TTC28: variants seen among roughly 807,000 people sequenced by gnomAD.
TTC28 encodes the protein tetratricopeptide repeat domain 28, also known as tetratricopeptide repeat protein 28.
TTC28 carries 61 observed loss-of-function variants against 198.0 expected under a neutral mutation model. The ratio of observed to expected loss-of-function variants is 0.31; its 90% CI spans 0.25 to 0.38. The LOEUF (loss-of-function observed/expected upper bound fraction) is 0.38. TTC28 is among the 10% of genes least tolerant of loss of function. The pLI is 1.00. For missense variants in TTC28, 2,678 were observed against 3,164.0 expected, an observed-to-expected ratio of 0.85 and a Z score of 3.69; for synonymous variants, 1,171 against 1,297.8, an observed-to-expected ratio of 0.90 and a Z score of 2.10.
rs1921384505 is a variant in TTC28 at position 28,162,911 on chromosome 22, T to G, written c.1441+181A>C. 1.3e-5 allele frequency among the ~76,000 whole-genome samples: 2 copies of G among 152,136 alleles called. 1 individual carries two copies. Among genetic ancestry groups the G allele is most frequent in the South Asian group, 4.1e-4 (2 of 4,820 alleles). ...GCCACACCATCCTTGGCCTGTGTACTCCATCCTCAGTGACAGATGAAGACC... is the reference window on the plus strand; with the variant it reads ...GCCACACCATCCTTGGCCTGTGTACGCCATCCTCAGTGACAGATGAAGACC... On this transcript the variant is annotated intron_variant, in intron 6 of 22. Coordinates refer to ENST00000397906, the MANE Select transcript of TTC28 (RefSeq NM_001145418.2).
intron 12 of TTC28, among the ~76,000 whole-genome samples, chr22:28,087,852 T>C (rs1157231472): frequency 3.9e-5 from 6 of 152,212 alleles, no homozygotes; most frequent in Non-Finnish European, 8.8e-5. Context: ...ATCACAAGCA[T>C]TCTTATACAC....
chr22:28,425,383 T>A (rs1379444410), intron 2 of TTC28, among the ~76,000 whole-genome samples: 1 of 152,182 alleles, frequency 6.6e-6, no homozygotes, highest in Non-Finnish European at 1.5e-5. Context: ...CTTTTACAAG[T>A]CAGGCACTAT....
chr22:28,123,056 C>T (rs956339895), intron 6 of TTC28, among the ~76,000 whole-genome samples: 2 of 152,188 alleles, frequency 1.3e-5, no homozygotes, highest in African/African-American at 2.4e-5. Context: ...GGGCAGCCAA[C>T]GGGAAGAGCA....
intron 2 of TTC28, among the ~76,000 whole-genome samples, chr22:28,383,806 A>G (rs2046532527): frequency 6.6e-6 from 1 of 152,148 alleles, no homozygotes. Context: ...TGGTGTCCTC[A>G]CAGCCTATTT....
intron 2 of TTC28, among the ~76,000 whole-genome samples, chr22:28,499,011 G>A (rs2048498032): frequency 6.6e-6 from 1 of 151,830 alleles, no homozygotes; most frequent in Non-Finnish European, 1.5e-5. Context: ...CCCCATCTCT[G>A]CAAAAAAAAT....
intron 14 of TTC28, among the ~76,000 whole-genome samples, chr22:28,004,338 G>A (rs558716070): frequency 2.0e-5 from 3 of 152,334 alleles, no homozygotes; most frequent in Non-Finnish European, 2.9e-5. Flanking sequence ...GCCTGCCTGC[G>A]GGAGAGGGGG....
At chr22:28,062,827 T>C (rs959167920) in intron 12 of TTC28, among the ~76,000 whole-genome samples, 27 of 152,320 alleles carry the variant, frequency 1.8e-4, no homozygotes, top group Non-Finnish European at 3.1e-4. Context: ...ATTGTGAGCA[T>C]AGTTCATTGA....
At chr22:28,227,876 A>G (rs1928475003) in intron 5 of TTC28, among the ~76,000 whole-genome samples, 1 of 152,206 alleles carries the variant, frequency 6.6e-6, no homozygotes, top group Non-Finnish European at 1.5e-5. Context: ...GTATATACCC[A>G]AAAGAATTGA....
chr22:28,163,283 T>C lies in TTC28; in HGVS notation c.1250A>G (p.His417Arg). ...RRNFDKAMSY[H>R]NYVLELAQEL... ...CTGTGCCAGCTCCAGGACATAGTTA[T>C]GGTAAGACATGGCCTTGTCAAAGTT... is the stretch of plus-strand genomic sequence containing the variant. Residue 417 changes from histidine to arginine, a missense_variant, in exon 6 of 23, where the codon CAT becomes CGT. By Grantham distance (29) the His-to-Arg change is conservative (BLOSUM62 0). Around this residue, in one of 8 missense-constraint regions of TTC28, gnomAD observed 775 missense variants for 845.9 expected, o/e 0.92. Coordinates refer to ENST00000397906, the MANE Select transcript of TTC28 (RefSeq NM_001145418.2). The C allele has an allele frequency of 1.9e-6, 3 of 1,551,944 alleles. No individual in the cohort carries two copies. The highest frequency in any genetic ancestry group is 2.6e-6 in the Non-Finnish European group (3 of 1,147,044).
chr22:28,541,783 C>G (rs1259664521), intron 2 of TTC28, among the ~76,000 whole-genome samples: 1 of 151,860 alleles, frequency 6.6e-6, no homozygotes, highest in Admixed American at 6.6e-5. Flanking sequence ...AATACAATAT[C>G]TGAAATATGA....
chr22:28,509,916 G>C (rs2048665483), intron 2 of TTC28, among the ~76,000 whole-genome samples: 1 of 152,030 alleles, frequency 6.6e-6, no homozygotes, highest in South Asian at 2.1e-4. Flanking sequence ...ACATAAACTA[G>C]AAAATCTATT....
At chr22:28,660,715 G>A (rs567560549) in intron 1 of TTC28, among the ~76,000 whole-genome samples, 1 of 151,976 alleles carries the variant, frequency 6.6e-6, no homozygotes, top group Middle Eastern at 3.4e-3. Flanking sequence ...GTAGAGACGG[G>A]GTTTCACAAT....
At chr22:28,572,096 G>C (rs749128541) in intron 2 of TTC28, among the ~76,000 whole-genome samples, 1 of 152,020 alleles carries the variant, frequency 6.6e-6, no homozygotes, top group African/African-American at 2.4e-5. Context: ...CACTTTGGGA[G>C]GTTGAGGAAG....
At chr22:28,146,398 C>A (rs746023017) in intron 6 of TTC28, among the ~76,000 whole-genome samples, 2 of 152,160 alleles carry the variant, frequency 1.3e-5, no homozygotes, top group Admixed American at 1.3e-4. Context: ...TCTTCACTGA[C>A]GAACTGACAC....
chr22:28,164,857 G>C (rs1044441704), intron 5 of TTC28, among the ~76,000 whole-genome samples: 3 of 152,142 alleles, frequency 2.0e-5, no homozygotes, highest in Non-Finnish European at 2.9e-5. Flanking sequence ...AGAGAAGAAG[G>C]CTTCAGATGA....
chr22:28,261,394 C>T (rs1179743283), intron 5 of TTC28, among the ~76,000 whole-genome samples: 2 of 151,990 alleles, frequency 1.3e-5, no homozygotes, highest in East Asian at 3.9e-4. Context: ...AATGAGAAAG[C>T]CCAAGCATGG....
At chr22:28,679,078 G>T (rs550833674) in intron 1 of TTC28, among the ~76,000 whole-genome samples, 1 of 152,180 alleles carries the variant, frequency 6.6e-6, no homozygotes, top group Non-Finnish European at 1.5e-5. Context: ...CCTGACTAGT[G>T]GCCCAAACAC....
intron 12 of TTC28, among the ~76,000 whole-genome samples, chr22:28,085,676 G>A (rs1394172316): frequency 1.3e-5 from 2 of 151,978 alleles, no homozygotes; most frequent in African/African-American, 2.4e-5. Flanking sequence ...AACTTTAAAT[G>A]TAAATGGACT....
intron 12 of TTC28, among the ~76,000 whole-genome samples, chr22:28,073,202 G>A (rs895902339): frequency 1.3e-5 from 2 of 152,098 alleles, no homozygotes; most frequent in Non-Finnish European, 2.9e-5. Flanking sequence ...GAAAGATGGA[G>A]GCTTTCAAAT....
Sources: allele counts gnomAD v4.1 joint callset (sites outside exome capture counted in the v4.1 genomes callset), GRCh38; gene constraint gnomAD v4.1.1; regional missense constraint gnomAD v4.1.1; transcripts MANE v1.5; gene names NCBI Gene and HGNC (gene_info 2026-07-23, HGNC 2026-07-21).